Variants in GINS1 observed in about 807,000 individuals in gnomAD.
The protein encoded by GINS1 is DNA replication complex GINS protein PSF1.
Under a neutral mutation model 34.9 loss-of-function variants are expected in GINS1, and 26 were observed. The observed-to-expected ratio is 0.74, with a 90% CI of 0.55 to 1.03. The LOEUF (loss-of-function observed/expected upper bound fraction) is 1.03. GINS1 is among the 50% of genes least tolerant of loss of function. The pLI is 0.00. For missense variants in GINS1, 235 were observed against 237.9 expected, an observed-to-expected ratio of 0.99 and a Z score of 0.08; for synonymous variants, 97 against 84.4, an observed-to-expected ratio of 1.15 and a Z score of -0.82.
rs2090385300 is a variant in GINS1, at chr20:25,425,394, G to C, written c.447+67G>C. The C allele has an allele frequency of 5.5e-6, 4 of 724,908 alleles. 1 individual carries two copies. In the Admixed American group the frequency reaches 6.4e-5, roughly 12 times the overall value. 44.9% of individuals were successfully genotyped at this position (724,908 alleles called of 1,614,324 possible). On this transcript the variant is annotated intron_variant, in intron 5 of 6. Transcript: ENST00000262460. ...AATTGTGCTACCTTTTAAGAAGAGAGGAGTATATGAATATGTGTTAGCTTC... is the reference window on the plus strand; with the variant it reads ...AATTGTGCTACCTTTTAAGAAGAGACGAGTATATGAATATGTGTTAGCTTC...
intron 5 of GINS1, among the ~76,000 whole-genome samples, chr20:25,429,392 G>T (rs11699033): frequency 0.014 from 2,129 of 152,252 alleles, 15 homozygotes; most frequent in Middle Eastern, 0.02. Flanking sequence ...TTATAGTAGG[G>T]ATTGTGTAGG....
At chr20:25,418,063 C>T in intron 3 of GINS1, 42 bp from the exon 4 acceptor site, 1 of 1,055,166 alleles carries the variant, frequency 9.5e-7, no homozygotes, top group African/African-American at 1.5e-5. Context: ...ACGTGATCCC[C>T]CGTTTATTCT....
chr20:25,441,745 G>T lies in GINS1; in HGVS notation c.491G>T (p.Gly164Val). 2 of 1,563,620 alleles carry T rather than the reference G, an allele frequency of 1.3e-6. No homozygotes were observed. The highest frequency in any genetic ancestry group is 1.2e-5 in the South Asian group (1 of 86,796). The change falls in exon 6 of 7, where the codon GGC (glycine) becomes GTC (valine). Residue 164 changes from glycine (G) to valine (V), a missense_variant. Coordinates refer to ENST00000262460, the MANE Select transcript of GINS1 (RefSeq NM_021067.5). ...TATGGAGAATTTGAAGTTGATGATGGCACTTCAGTCCTATTAAAAAAAAAT... is the reference window on the plus strand; with the variant it reads ...TATGGAGAATTTGAAGTTGATGATGTCACTTCAGTCCTATTAAAAAAAAAT... ...KDYGEFEVDD[G>V]TSVLLKKNSQ...
Position 25,417,135 on chromosome 20 carries a change from T to C in GINS1, c.172T>C (p.Leu58=), listed in dbSNP as rs774576938. The C allele has an allele frequency of 3.8e-6, 6 of 1,589,804 alleles. No homozygotes were observed. In the Admixed American group the frequency reaches 8.4e-5, roughly 22 times the overall value. Reference sequence around the variant, plus strand: ...AGCAAAGTCAGGTGGACGAAGTGATTTGATACCAACTATCAAATTTCGACA... The same window carrying C: ...AGCAAAGTCAGGTGGACGAAGTGATCTGATACCAACTATCAAATTTCGACA... The part of the protein sequence containing the change: ...NEAKSGGRSD[L]IPTIKFRHCS... The change falls in exon 3 of 7, where the codon TTG becomes CTG. Residue 58 remains leucine, a synonymous_variant. Transcript: ENST00000262460.
At chr20:25,412,154 G>A (rs749181060) in intron 1 of GINS1, among the ~76,000 whole-genome samples, 6 of 152,004 alleles carry the variant, frequency 3.9e-5, no homozygotes, top group Non-Finnish European at 7.4e-5. Flanking sequence ...TTTTTCCAAG[G>A]GAAAATTTGC....
intron 5 of GINS1, among the ~76,000 whole-genome samples, chr20:25,430,241 G>GT (rs2146211735): frequency 6.6e-6 from 1 of 152,246 alleles, no homozygotes; most frequent in East Asian, 1.9e-4. Flanking sequence ...TGAATATGAT[G>GT]TTTGCTGTAG....
At chr20:25,423,080 C>T (rs906812552) in intron 4 of GINS1, among the ~76,000 whole-genome samples, 2 of 151,150 alleles carry the variant, frequency 1.3e-5, no homozygotes, top group African/African-American at 2.4e-5. Flanking sequence ...CCTGGCCGAG[C>T]TTATTCCTTT....
At chr20:25,413,282 C>T (rs1004209033) in intron 1 of GINS1, among the ~76,000 whole-genome samples, 2 of 152,088 alleles carry the variant, frequency 1.3e-5, no homozygotes, top group Non-Finnish European at 2.9e-5. Context: ...CTTCTGACCT[C>T]AGGTGATCCA....
intron 1 of GINS1, among the ~76,000 whole-genome samples, chr20:25,412,927 C>A (rs1179757480): frequency 1.3e-5 from 2 of 152,132 alleles, no homozygotes; most frequent in Admixed American, 6.6e-5. Flanking sequence ...TGATATTATT[C>A]TTTTTGGCAA....
intron 5 of GINS1, among the ~76,000 whole-genome samples, chr20:25,439,107 T>TTCA (rs1437155038): frequency 6.6e-6 from 1 of 152,204 alleles, no homozygotes; most frequent in Non-Finnish European, 1.5e-5. Flanking sequence ...CTTGTAACCC[T>TTCA]TTATTTACTA....
At chr20:25,419,849 A>T (rs1184410036) in intron 4 of GINS1, 1 of 172,372 alleles carries the variant, frequency 5.8e-6, no homozygotes, top group East Asian at 1.9e-4. Context: ...TTTAGTAGAG[A>T]CAGGGTTTCA....
intron 5 of GINS1, among the ~76,000 whole-genome samples, chr20:25,430,826 G>A (rs1207657911): frequency 6.6e-6 from 1 of 152,202 alleles, no homozygotes; most frequent in Non-Finnish European, 1.5e-5. Flanking sequence ...CACCATGCCT[G>A]GCCTGTGTTG....
chr20:25,448,198 T>A lies in GINS1; in HGVS notation c.*2207T>A, dbSNP rs893555023. 1.2e-4 allele frequency: 18 copies of A among 152,296 alleles called. No individual in the cohort carries two copies. The highest frequency in any genetic ancestry group is 3.6e-4 in the African/African-American group (15 of 41,570). 9.4% of individuals were successfully genotyped at this position (152,296 alleles called of 1,614,324 possible). A position where few individuals can be genotyped will look rare whatever the true frequency, so the allele number is the denominator to read the frequency against. On this transcript the variant is annotated 3_prime_UTR_variant, in exon 7 of 7. Transcript: ENST00000262460. ...CAACAAAAACCCCTGTTGGGCACCT[T>A]GATTGAGATTGCATTGAATTTATAT...
At chr20:25,426,452 G>A (rs2090391368) in intron 5 of GINS1, among the ~76,000 whole-genome samples, 1 of 152,108 alleles carries the variant, frequency 6.6e-6, no homozygotes, top group East Asian at 1.9e-4. Flanking sequence ...CTACTTGGGA[G>A]GCTGAGGCAG....
intron 5 of GINS1, among the ~76,000 whole-genome samples, chr20:25,427,186 A>G (rs1032391185): frequency 3.3e-5 from 5 of 152,092 alleles, no homozygotes; most frequent in Non-Finnish European, 2.9e-5. Context: ...CGTTTTTGAG[A>G]CAGAGTTTTG....
At chr20:25,413,696 A>T in intron 1 of GINS1, 94 bp from the exon 2 acceptor site, 3 of 778,072 alleles carry the variant, frequency 3.9e-6, no homozygotes, top group South Asian at 1.4e-5. Context: ...TTGCTAAAGT[A>T]TATAAATGAA....
chr20:25,411,786 T>TA (rs2090286900), intron 1 of GINS1, among the ~76,000 whole-genome samples: 1 of 151,874 alleles, frequency 6.6e-6, no homozygotes, highest in African/African-American at 2.4e-5. Flanking sequence ...CTACTAAAAA[T>TA]ACAAAAATTA....
Position 25,407,738 on chromosome 20 carries a change from GGAGT to G in GINS1, c.-79_-76del. 1 of 1,050,636 alleles carries G rather than the reference GGAGT, an allele frequency of 9.5e-7. No homozygotes were observed. The highest frequency in any genetic ancestry group is 1.3e-5 in the South Asian group (1 of 76,632). The allele number at this position is 1,050,636 out of a possible 1,614,324, so 65.1% of individuals were successfully genotyped here. On this transcript the variant is annotated 5_prime_UTR_variant, in exon 1 of 7. Transcript: ENST00000262460. ...CTGGCGCTGTAGGACTAGAACGAAA[GGAGT>G]GAGGCGCCGAGAGCCCAGATACCAT...
intron 5 of GINS1, among the ~76,000 whole-genome samples, chr20:25,435,484 G>T (rs2146216633): frequency 6.6e-6 from 1 of 152,200 alleles, no homozygotes; most frequent in African/African-American, 2.4e-5. Flanking sequence ...TTGGGGCCAG[G>T]TGTGGTGGCT....
Sources: allele counts gnomAD v4.1 joint callset (sites outside exome capture counted in the v4.1 genomes callset), GRCh38; gene constraint gnomAD v4.1.1; transcripts MANE v1.5; gene names NCBI Gene and HGNC (gene_info 2026-07-23, HGNC 2026-07-21).